Variants in ADAMTS3 observed in about 807,000 individuals in gnomAD.
ADAMTS3 encodes ADAM metallopeptidase with thrombospondin type 1 motif 3, also known as A disintegrin and metalloproteinase with thrombospondin motifs 3.
ADAMTS3 carries 73 observed loss-of-function variants against 129.0 expected under a neutral mutation model. The observed-to-expected ratio is 0.57, with a 90% confidence interval of 0.47 to 0.69. The LOEUF is 0.69. ADAMTS3 is among the 30% of genes least tolerant of loss of function. The pLI is 0.00. For missense variants in ADAMTS3, 1,457 were observed against 1,514.5 expected (o/e 0.96, Z 0.63); for synonymous variants, 477 against 510.8 (o/e 0.93, Z 0.89).
chr4:72,328,818 G>A (rs1335836843), intron 5 of ADAMTS3, among the ~76,000 whole-genome samples: 1 of 152,082 alleles, frequency 6.6e-6, no homozygotes, highest in African/African-American at 2.4e-5. Flanking sequence ...CAACAAGATA[G>A]CCTGAGTGAT....
At chr4:72,398,186 G>C (rs1358351455) in intron 4 of ADAMTS3, among the ~76,000 whole-genome samples, 2 of 152,182 alleles carry the variant, frequency 1.3e-5, no homozygotes, top group Non-Finnish European at 2.9e-5. Context: ...GAGCCATGTT[G>C]AGGGGGAGCT....
At chr4:72,518,339 G>C (rs1056193099) in intron 3 of ADAMTS3, among the ~76,000 whole-genome samples, 60 of 152,312 alleles carry the variant, frequency 3.9e-4, no homozygotes, top group African/African-American at 1.4e-3. Context: ...GAGTTCTGTA[G>C]ATGTCTATTA....
chr4:72,480,131 G>A (rs1719388126), intron 3 of ADAMTS3, among the ~76,000 whole-genome samples: 1 of 152,220 alleles, frequency 6.6e-6, no homozygotes, highest in Non-Finnish European at 1.5e-5. Flanking sequence ...GTGGAAGTCA[G>A]TGTGGCGATT....
intron 3 of ADAMTS3, among the ~76,000 whole-genome samples, chr4:72,526,729 C>CACACATAT (rs1720820293): frequency 2.4e-5 from 1 of 42,412 alleles, no homozygotes; most frequent in African/African-American, 1.0e-4. Context: ...AAAATATATA[C>CACACATAT]ATACATATAT....
At chr4:72,494,976 T>A (rs557059638) in intron 3 of ADAMTS3, among the ~76,000 whole-genome samples, 1 of 152,282 alleles carries the variant, frequency 6.6e-6, no homozygotes, top group Admixed American at 6.5e-5. Flanking sequence ...GGTCCTCTAG[T>A]TCTCCTTTTC....
At position 72,518,358 on chromosome 4, in the gene ADAMTS3, T is replaced by C. The variant is rs529545871; in HGVS notation, c.504+30120A>G. Among the ~76,000 whole-genome samples the C allele has an allele frequency of 6.6e-5, 10 of 152,310 alleles. No homozygotes were observed. In the South Asian group the frequency reaches 1.9e-3, roughly 28 times the overall value. ...TCTGTAGATGTCTATTAGGTACACT[T>C]GGTGCAGAGCTGAGTTCAATTCCTG... On this transcript the variant is annotated intron_variant, in intron 3 of 21. Coordinates refer to ENST00000286657, the MANE Select transcript of ADAMTS3 (RefSeq NM_014243.3).
chr4:72,401,469 A>G (rs1183507015), intron 4 of ADAMTS3, among the ~76,000 whole-genome samples: 1 of 141,342 alleles, frequency 7.1e-6, no homozygotes, highest in Non-Finnish European at 1.5e-5. Context: ...TGGTAGGCTG[A>G]GGTAGGAGAA....
At chr4:72,497,422 G>T (rs1719898705) in intron 3 of ADAMTS3, among the ~76,000 whole-genome samples, 2 of 151,658 alleles carry the variant, frequency 1.3e-5, no homozygotes, top group South Asian at 4.2e-4. Context: ...CTCTTTTGGA[G>T]AACTTGTAAA....
At chr4:72,514,716 T>A (rs937097050) in intron 3 of ADAMTS3, among the ~76,000 whole-genome samples, 15 of 152,100 alleles carry the variant, frequency 9.9e-5, no homozygotes, top group Admixed American at 9.8e-4. Flanking sequence ...TAACATAGCT[T>A]CTTACACACA....
At chr4:72,477,433 GAATGACTACTGGGTACGT>G (rs1190990294) in intron 3 of ADAMTS3, among the ~76,000 whole-genome samples, 1 of 152,126 alleles carries the variant, frequency 6.6e-6, no homozygotes, top group East Asian at 1.9e-4. Context: ...ACCTGCTCCT[GAATGACTACTGGGTACGT>G]AACGAAATGA....
In ADAMTS3 at chr4:72,324,488, T is replaced by C. The variant is rs114128857; in HGVS notation, c.862-1391A>G. Among the ~76,000 whole-genome samples, 1,515 of 152,252 alleles carry C rather than the reference T, an allele frequency of 1.0e-2. 36 individuals are homozygous for C. Among genetic ancestry groups the C allele is most frequent in the African/African-American group, 0.034 (1,432 of 41,568 alleles). ...TGGCTAAGCTAGAATATACTAGAGA[T>C]AACAAAGTATAACTTGAAAAGATGT... On this transcript the variant is annotated intron_variant, in intron 5 of 21. Coordinates refer to ENST00000286657, the MANE Select transcript of ADAMTS3 (RefSeq NM_014243.3).
In ADAMTS3 at chr4:72,435,575, G is replaced by GTATGCTTACT. The variant is rs574146061; in HGVS notation, c.505-20614_505-20605dup. 4.5e-4 allele frequency among the ~76,000 whole-genome samples: 68 copies of GTATGCTTACT among 151,934 alleles called. 2 individuals are homozygous for GTATGCTTACT. The East Asian group carries it at 0.013, about 29-fold the overall frequency. On this transcript the variant is annotated intron_variant, in intron 3 of 21. Transcript: ENST00000286657. ...GTTTTATTAGCTCTGTATTAAAACT[G>GTATGCTTACT]TATGCTTACTTCTGAATCCTTTAAT...
chr4:72,417,120 T>A (rs1415622828), intron 3 of ADAMTS3, among the ~76,000 whole-genome samples: 2 of 152,216 alleles, frequency 1.3e-5, no homozygotes, highest in African/African-American at 4.8e-5. Flanking sequence ...TTCTGTAACA[T>A]CTACATTATT....
At chr4:72,389,160 A>T (rs1284079125) in intron 4 of ADAMTS3, among the ~76,000 whole-genome samples, 2 of 152,184 alleles carry the variant, frequency 1.3e-5, no homozygotes, top group Non-Finnish European at 2.9e-5. Flanking sequence ...CCAGTTTTTA[A>T]TATGCCAGCC....
intron 2 of ADAMTS3, among the ~76,000 whole-genome samples, chr4:72,565,514 A>G (rs1395060435): frequency 1.3e-5 from 2 of 152,202 alleles, no homozygotes; most frequent in Non-Finnish European, 2.9e-5. Context: ...CCAAAGTGAA[A>G]TGATAGTTAT....
chr4:72,313,700 T>C lies in ADAMTS3; in HGVS notation c.1722A>G (p.Arg574=), dbSNP rs769496721. The change falls in exon 12 of 22, where the codon AGA becomes AGG. Residue 574 remains arginine (R), a synonymous_variant. Coordinates refer to ENST00000286657, the MANE Select transcript of ADAMTS3 (RefSeq NM_014243.3). ...SRTCGTGVRF[R]TRQCNNPMPI... Reference sequence around the variant, plus strand: ...ACATGGGATTATTGCACTGGCGTGTTCTGAAACGAACACCAGTTCCACATG... The same window carrying C: ...ACATGGGATTATTGCACTGGCGTGTCCTGAAACGAACACCAGTTCCACATG... 6.2e-7 allele frequency: 1 copy of C among 1,613,672 alleles called. No individual in the cohort carries two copies. The highest frequency in any genetic ancestry group is 2.2e-5 in the East Asian group (1 of 44,764).
At chr4:72,290,171 G>A (rs1718618299) in intron 20 of ADAMTS3, among the ~76,000 whole-genome samples, 1 of 152,200 alleles carries the variant, frequency 6.6e-6, no homozygotes, top group Non-Finnish European at 1.5e-5. Context: ...CTAGGCACTA[G>A]CTGAGTGCTG....
chr4:72,402,697 C>G (rs1234748372), intron 4 of ADAMTS3, among the ~76,000 whole-genome samples: 1 of 152,088 alleles, frequency 6.6e-6, no homozygotes, highest in Non-Finnish European at 1.5e-5. Flanking sequence ...GAATGAAGGT[C>G]TAATCTCAAA....
chr4:72,548,739 G>A lies in ADAMTS3; in HGVS notation c.243C>T (p.Phe81=), dbSNP rs751874529. Residue 81 remains phenylalanine (F), a synonymous_variant, in exon 3 of 22, where the codon TTC becomes TTT. Coordinates refer to ENST00000286657, the MANE Select transcript of ADAMTS3 (RefSeq NM_014243.3). The part of the protein sequence containing the change: ...RDVSSNPEQL[F]FNITAFGKDF... ...CTTTTCCAAATGCCGTGATGTTAAA[G>A]AACAACTGCTCAGGGTTGGAAGACA... is the stretch of plus-strand genomic sequence containing the variant. 1 of 1,614,000 alleles carries A rather than the reference G, an allele frequency of 6.2e-7. No individual in the cohort carries two copies. Among genetic ancestry groups the A allele is most frequent in the Non-Finnish European group, 8.5e-7 (1 of 1,179,934 alleles).
Sources: allele counts gnomAD v4.1 joint callset (sites outside exome capture counted in the v4.1 genomes callset), GRCh38; gene constraint gnomAD v4.1.1; transcripts MANE v1.5; gene names NCBI Gene and HGNC (gene_info 2026-07-23, HGNC 2026-07-21).